HCN1: variants seen among roughly 807,000 people sequenced by gnomAD.
HCN1 encodes the protein potassium/sodium hyperpolarization-activated cyclic nucleotide-gated channel 1.
In HCN1, 13 loss-of-function variants were observed where a neutral mutation model predicts 78.9. The observed-to-expected ratio is 0.16, with a 90% CI of 0.11 to 0.26. The LOEUF is 0.26. Ranked by LOEUF, HCN1 falls within the 10% of genes least tolerant of loss-of-function variation. HCN1 has a pLI of 1.00. For synonymous variants in HCN1, 552 were observed against 455.5 expected (o/e 1.21, Z -2.70); for missense variants, 810 against 1,154.3 (o/e 0.70, Z 4.32).
At chr5:45,439,430 A>G (rs1252398733) in intron 3 of HCN1, among the ~76,000 whole-genome samples, 1 of 152,188 alleles carries the variant, frequency 6.6e-6, no homozygotes, top group Non-Finnish European at 1.5e-5. Flanking sequence ...AATTAAATGT[A>G]TAGAGTTATT....
chr5:45,577,813 T>A (rs899299679), intron 2 of HCN1, among the ~76,000 whole-genome samples: 12 of 151,434 alleles, frequency 7.9e-5, no homozygotes, highest in Non-Finnish European at 1.5e-4. Flanking sequence ...TACGAAGCAA[T>A]GCATCTGTTC....
chr5:45,375,271 T>G (rs1227894626), intron 4 of HCN1, among the ~76,000 whole-genome samples: 11 of 121,156 alleles, frequency 9.1e-5, no homozygotes, highest in Non-Finnish European at 1.6e-4. Flanking sequence ...TTTTATAATA[T>G]ATAATATATT....
intron 3 of HCN1, among the ~76,000 whole-genome samples, chr5:45,449,442 C>T (rs1740866078): frequency 6.6e-6 from 1 of 152,110 alleles, no homozygotes; most frequent in Admixed American, 6.5e-5. Flanking sequence ...TTCTTCTATG[C>T]TTTTTACTGT....
At position 45,684,392 on chromosome 5, in the gene HCN1, C is replaced by T. The variant is rs533435799; in HGVS notation, c.425+11277G>A. The stretch of plus-strand genomic sequence containing the variant: ...GCTTTTTATACATTAGATATATATC[C>T]AGATCACAGAAAATACAGGTGTCCA... On this transcript the variant is annotated intron_variant, in intron 1 of 7. Transcript: ENST00000303230. 7.2e-5 allele frequency among the ~76,000 whole-genome samples: 11 copies of T among 152,134 alleles called. 1 individual carries two copies. The South Asian group carries it at 2.3e-3, about 32-fold the overall frequency.
chr5:45,373,228 A>G (rs1296154512), intron 4 of HCN1, among the ~76,000 whole-genome samples: 2 of 116,636 alleles, frequency 1.7e-5, no homozygotes, highest in Admixed American at 1.0e-4. Context: ...TATAATATAT[A>G]TTTTACATTA....
intron 6 of HCN1, among the ~76,000 whole-genome samples, chr5:45,270,737 A>G (rs979091225): frequency 6.6e-6 from 1 of 152,164 alleles, no homozygotes; most frequent in African/African-American, 2.4e-5. Context: ...ACTTGGAATT[A>G]TTTTTACAAA....
chr5:45,356,447 G>A (rs1460568454), intron 4 of HCN1, among the ~76,000 whole-genome samples: 5 of 151,794 alleles, frequency 3.3e-5, no homozygotes, highest in South Asian at 4.2e-4. Flanking sequence ...TATAAAACAC[G>A]GCAAGGATCC....
chr5:45,326,499 A>C (rs2111944737), intron 5 of HCN1, among the ~76,000 whole-genome samples: 1 of 151,748 alleles, frequency 6.6e-6, no homozygotes, highest in South Asian at 2.1e-4. Flanking sequence ...AAAAATAGGC[A>C]GGAAGAGAAA....
At chr5:45,550,527 A>G (rs988365508) in intron 2 of HCN1, among the ~76,000 whole-genome samples, 1 of 152,130 alleles carries the variant, frequency 6.6e-6, no homozygotes, top group Non-Finnish European at 1.5e-5. Flanking sequence ...GGATAGCATT[A>G]GGAGATATAC....
At chr5:45,649,220 TTG>T (rs1055032560) in intron 1 of HCN1, among the ~76,000 whole-genome samples, 22 of 152,200 alleles carry the variant, frequency 1.4e-4, no homozygotes, top group African/African-American at 5.1e-4. Context: ...CTTAGTTTGT[TTG>T]TGTGTGAGTG....
intron 2 of HCN1, among the ~76,000 whole-genome samples, chr5:45,493,911 C>T (rs1416321697): frequency 1.3e-5 from 2 of 152,048 alleles, no homozygotes; most frequent in East Asian, 1.9e-4. Context: ...TCATCCATGT[C>T]CCTACAAAGG....
intron 2 of HCN1, among the ~76,000 whole-genome samples, chr5:45,544,390 C>T (rs900763064): frequency 2.0e-5 from 3 of 151,686 alleles, no homozygotes; most frequent in East Asian, 1.9e-4. Flanking sequence ...TCTACTTGTT[C>T]GTATTTAGAA....
chr5:45,446,963 G>A (rs1160446048), intron 3 of HCN1, among the ~76,000 whole-genome samples: 1 of 151,832 alleles, frequency 6.6e-6, no homozygotes, highest in Non-Finnish European at 1.5e-5. Context: ...TCGAGACTAG[G>A]AAGAAACTGC....
At chr5:45,319,552 T>C (rs1746078732) in intron 5 of HCN1, among the ~76,000 whole-genome samples, 1 of 151,872 alleles carries the variant, frequency 6.6e-6, no homozygotes, top group Non-Finnish European at 1.5e-5. Flanking sequence ...CCTTTTTCTA[T>C]GTTAAGAGTT....
At chr5:45,403,727 A>T (rs1297097844) in intron 3 of HCN1, among the ~76,000 whole-genome samples, 1 of 152,296 alleles carries the variant, frequency 6.6e-6, no homozygotes, top group South Asian at 2.1e-4. Context: ...GAAAAAATAG[A>T]TTGACTGTGA....
chr5:45,466,920 T>A (rs1741281221), intron 2 of HCN1, among the ~76,000 whole-genome samples: 1 of 152,112 alleles, frequency 6.6e-6, no homozygotes. Flanking sequence ...AGGATTTTAT[T>A]TGGACTGAGA....
chr5:45,273,259 C>T (rs1167449575), intron 6 of HCN1, among the ~76,000 whole-genome samples: 1 of 152,028 alleles, frequency 6.6e-6, no homozygotes, highest in Non-Finnish European at 1.5e-5. Context: ...ACATAGACAA[C>T]TCTGTTTCCA....
At chr5:45,547,268 G>C (rs913700366) in intron 2 of HCN1, among the ~76,000 whole-genome samples, 2 of 151,910 alleles carry the variant, frequency 1.3e-5, no homozygotes, top group South Asian at 4.1e-4. Context: ...TACATTTCTG[G>C]ATTGAGCAAT....
At chr5:45,419,069 C>A (rs1321150553) in intron 3 of HCN1, among the ~76,000 whole-genome samples, 4 of 152,154 alleles carry the variant, frequency 2.6e-5, no homozygotes, top group Non-Finnish European at 4.4e-5. Context: ...TCTTCCTGGA[C>A]ACTTTCAGGA....
Sources: gnomAD v4.1 joint callset for allele counts (sites outside exome capture counted in the v4.1 genomes callset) on GRCh38, gnomAD v4.1.1 for gene constraint, MANE v1.5 for transcripts, NCBI Gene and HGNC (gene_info 2026-07-23, HGNC 2026-07-21) for gene names.